The following CREBBP variants were observed in gnomAD, a reference collection of about 807,000 sequenced individuals.
The protein encoded by CREBBP is CREB-binding protein.
A neutral mutation model predicts 265.0 loss-of-function variants in CREBBP; 19 were observed. That is an observed-to-expected ratio of 0.07 (90% CI 0.05 to 0.11). The LOEUF (loss-of-function observed/expected upper bound fraction) is 0.11, where lower values mean the gene tolerates loss of function less well. Among genes scored for constraint, CREBBP ranks in the 10% least tolerant of loss-of-function variants. CREBBP has a pLI of 1.00. For synonymous variants in CREBBP, 1,457 were observed against 1,223.7 expected, an observed-to-expected ratio of 1.19 and a Z score of -3.98; for missense variants, 2,525 against 3,219.0, an observed-to-expected ratio of 0.78 and a Z score of 5.22.
At chr16:3,866,451 A>G (rs2055180232) in intron 1 of CREBBP, among the ~76,000 whole-genome samples, 1 of 152,224 alleles carries the variant, frequency 6.6e-6, no homozygotes, top group Non-Finnish European at 1.5e-5. Flanking sequence ...CTTTGTTCAA[A>G]TAATTCTCAT....
At chr16:3,780,990 A>G in intron 7 of CREBBP, 112 bp from the exon 8 acceptor site, 2 of 1,248,382 alleles carry the variant, frequency 1.6e-6, no homozygotes, top group South Asian at 2.5e-5. Context: ...AAGTCAGGAG[A>G]GCCAAGTGAT....
rs130008 is a variant in CREBBP at position 3,731,951 on chromosome 16, C to T, written c.4729-14G>A. On this transcript the variant is annotated splice_polypyrimidine_tract_variant and intron_variant, in intron 28 of 30. Transcript: ENST00000262367. This position sits in a 1 kb window ranked among gnomAD's most constrained non-coding sequence, Gnocchi z 7.7. ...GCCCTGACTGCCCTGCAACAACACGCAAGGCTGTGAGACCAGGCAAGTGCC... is the reference window on the plus strand; with the variant it reads ...GCCCTGACTGCCCTGCAACAACACGTAAGGCTGTGAGACCAGGCAAGTGCC... 6.6e-4 allele frequency: 1,062 copies of T among 1,614,200 alleles called. 9 individuals are homozygous for T. In the African/African-American group the frequency reaches 0.013, roughly 19 times the overall value.
chr16:3,766,049 T>A (rs1219272126), intron 16 of CREBBP, among the ~76,000 whole-genome samples: 2 of 152,196 alleles, frequency 1.3e-5, no homozygotes. Flanking sequence ...TTAACAAATG[T>A]TGATTTTTTT....
At chr16:3,862,541 C>G (rs2055098697) in intron 1 of CREBBP, among the ~76,000 whole-genome samples, 1 of 152,178 alleles carries the variant, frequency 6.6e-6, no homozygotes, top group Admixed American at 6.5e-5. Context: ...TTTGGGTTTT[C>G]TTGTTTTCCT....
intron 11 of CREBBP, 59 bp downstream of exon 11, chr16:3,777,554 G>A: frequency 6.4e-7 from 1 of 1,551,022 alleles, no homozygotes; most frequent in Non-Finnish European, 8.9e-7. Context: ...AAAAAACAGT[G>A]AAAGTTATGG....
chr16:3,753,819 AC>A (rs1267957259), intron 19 of CREBBP, among the ~76,000 whole-genome samples: 1 of 152,170 alleles, frequency 6.6e-6, no homozygotes, highest in Non-Finnish European at 1.5e-5. Context: ...ACAATCAAAC[AC>A]GCAGAACTAT....
At chr16:3,844,855 G>A (rs8059266) in intron 2 of CREBBP, among the ~76,000 whole-genome samples, 148,077 of 152,224 alleles carry the variant, frequency 0.97, 72,127 homozygotes, top group Middle Eastern at 1. Flanking sequence ...CAAAAACCAC[G>A]TAATACCTCC....
Position 3,774,462 on chromosome 16 carries a change from A to G in CREBBP, c.2283+107T>C, listed in dbSNP as rs130000. The G allele has an allele frequency of 1.4e-3, 2,059 of 1,491,914 alleles. 12 individuals carry two copies. In the African/African-American group the frequency reaches 0.023, roughly 17 times the overall value. The allele number at this position is 1,491,914 out of a possible 1,614,324, so 92.4% of individuals were successfully genotyped here. ...AGAAATAAAGCATAACCCAAATTCAAAGGAACAAGAACCACAGGATTCTCA... is the reference window on the plus strand; with the variant it reads ...AGAAATAAAGCATAACCCAAATTCAGAGGAACAAGAACCACAGGATTCTCA... On this transcript the variant is annotated intron_variant, in intron 12 of 30. Coordinates refer to ENST00000262367, the MANE Select transcript of CREBBP (RefSeq NM_004380.3).
At position 3,849,444 on chromosome 16, in the gene CREBBP, T is replaced by TGTGTG. The variant is rs1567360570; in HGVS notation, c.798+848_798+852dup. Among the ~76,000 whole-genome samples the TGTGTG allele has an allele frequency of 6.3e-3, 157 of 24,872 alleles. 15 individuals are homozygous for TGTGTG. The highest frequency in any genetic ancestry group is 0.014 in the Non-Finnish European group (87 of 6,192). 16.3% of individuals were successfully genotyped at this position (24,872 alleles called of 152,430 possible). A position where few individuals can be genotyped will look rare whatever the true frequency, so the allele number is the denominator to read the frequency against. Reference sequence around the variant, plus strand: ...GTGTGTGTGTGTGTGTGTGTGTGTGTGTGTGTGTGTGTGTGTGTGTGTGTG... The same window carrying TGTGTG: ...GTGTGTGTGTGTGTGTGTGTGTGTGTGTGTGGTGTGTGTGTGTGTGTGTGTGTGTG... On this transcript the variant is annotated intron_variant, in intron 2 of 30. Coordinates refer to ENST00000262367, the MANE Select transcript of CREBBP (RefSeq NM_004380.3).
At chr16:3,847,986 T>C (rs985209769) in intron 2 of CREBBP, among the ~76,000 whole-genome samples, 1 of 151,930 alleles carries the variant, frequency 6.6e-6, no homozygotes, top group Non-Finnish European at 1.5e-5. Flanking sequence ...TTGGCCAACA[T>C]GGTGAAACTC....
intron 19 of CREBBP, among the ~76,000 whole-genome samples, chr16:3,755,431 A>G (rs1239669973): frequency 2.0e-5 from 3 of 152,230 alleles, no homozygotes; most frequent in Non-Finnish European, 4.4e-5. Flanking sequence ...GGTGTAGTTA[A>G]TATTAACCTT....
chr16:3,793,340 A>G (rs1253095674), intron 4 of CREBBP, 46 bp downstream of exon 4: 2 of 1,612,854 alleles, frequency 1.2e-6, no homozygotes, highest in Non-Finnish European at 1.7e-6. Context: ...ATAAAGGCAA[A>G]TTCTTCCTGA....
Position 3,727,883 on chromosome 16 carries a change from T to A in CREBBP, c.7164A>T (p.Ala2388=), listed in dbSNP as rs752626859. The A allele has an allele frequency of 6.2e-7, 1 of 1,613,534 alleles. No homozygotes were observed. Among genetic ancestry groups the A allele is most frequent in the Non-Finnish European group, 8.5e-7 (1 of 1,179,660 alleles). ...GATCTATGGAGCTGGCCATGGTGAC[T>A]GCGAGTCCGGGGTGGGGGGAACCAG... ...PQTGSPHPGL[A]VTMASSIDQG... Residue 2388 remains alanine (A), a synonymous_variant, in exon 31 of 31, where the codon GCA becomes GCT. Transcript: ENST00000262367.
At chr16:3,859,212 TA>T (rs2055023628) in intron 1 of CREBBP, among the ~76,000 whole-genome samples, 1 of 151,966 alleles carries the variant, frequency 6.6e-6, no homozygotes, top group Non-Finnish European at 1.5e-5. Context: ...TTTTTATTTT[TA>T]TTTTTTTTTG....
chr16:3,851,852 C>T (rs2054846711), intron 1 of CREBBP, among the ~76,000 whole-genome samples: 1 of 104,424 alleles, frequency 9.6e-6, no homozygotes, highest in African/African-American at 5.2e-5. Flanking sequence ...CAGAGCGAGA[C>T]TCCGTCTCAA....
chr16:3,872,400 T>C (rs757624165), intron 1 of CREBBP, among the ~76,000 whole-genome samples: 33 of 152,226 alleles, frequency 2.2e-4, no homozygotes, highest in Middle Eastern at 6.8e-3. Context: ...TCGTGGCCTA[T>C]TGTAGCACCC....
intron 19 of CREBBP, among the ~76,000 whole-genome samples, chr16:3,754,203 A>T (rs1362794586): frequency 6.6e-6 from 1 of 152,240 alleles, no homozygotes; most frequent in Non-Finnish European, 1.5e-5. Flanking sequence ...GTGTTTAAGA[A>T]GGGGAGGAAG....
Position 3,774,637 on chromosome 16 carries a change from T to C in CREBBP, c.2215A>G (p.Met739Val), listed in dbSNP as rs1287930773. Residue 739 changes from methionine (M) to valine (V), a missense_variant, in exon 12 of 31, where the codon ATG (methionine) becomes GTG (valine). Coordinates refer to ENST00000262367, the MANE Select transcript of CREBBP (RefSeq NM_004380.3). ...LGNVQLPQAPMGPRAASPMNH... is the reference protein window; with the variant it reads ...LGNVQLPQAPVGPRAASPMNH... ...ATTGGGGAGGCTGCACGAGGTCCCA[T>C]GGGTGCTTGTGGCAACTGGACGTTC... 1.2e-6 allele frequency: 2 copies of C among 1,614,212 alleles called. No homozygotes were observed. Among genetic ancestry groups the C allele is most frequent in the Non-Finnish European group, 1.7e-6 (2 of 1,180,026 alleles).
chr16:3,764,475 T>C (rs1469884937), intron 16 of CREBBP, among the ~76,000 whole-genome samples: 1 of 151,818 alleles, frequency 6.6e-6, no homozygotes. Flanking sequence ...AGGGTCTCAC[T>C]ACGTTGCCCA....
Sources: allele counts gnomAD v4.1 joint callset (sites outside exome capture counted in the v4.1 genomes callset), GRCh38; gene constraint gnomAD v4.1.1; non-coding constraint Gnocchi (gnomAD v3.1); transcripts MANE v1.5; gene names NCBI Gene and HGNC (gene_info 2026-07-23, HGNC 2026-07-21).